The following SLC25A37 variants were observed in gnomAD, a reference collection of about 807,000 sequenced individuals.
SLC25A37 encodes solute carrier family 25 member 37.
Under a neutral mutation model 31.0 loss-of-function variants are expected in SLC25A37, and 17 were observed. The observed-to-expected ratio is 0.55, with a 90% CI of 0.38 to 0.82. The LOEUF (loss-of-function observed/expected upper bound fraction) is 0.82. Ranked by LOEUF, SLC25A37 falls within the 40% of genes least tolerant of loss-of-function variation. The pLI, the probability that SLC25A37 is intolerant of heterozygous loss-of-function variation, is 0.00. For synonymous variants in SLC25A37, 222 were observed against 193.0 expected (o/e 1.15, Z -1.24); for missense variants, 404 against 465.8 (o/e 0.87, Z 1.22).
chr8:23,529,540 A>G lies in SLC25A37; in HGVS notation c.210+328A>G, dbSNP rs1409054173. Among the ~76,000 whole-genome samples, 1 of 152,082 alleles carries G rather than the reference A, an allele frequency of 6.6e-6. No homozygotes were observed. The highest frequency in any genetic ancestry group is 1.5e-5 in the Non-Finnish European group (1 of 67,990). ...GGCGACTGGGCTCCCGGGGGACGCG[A>G]TCGCTGAAGCTCTGCACAGTCTTAC... On this transcript the variant is annotated intron_variant, in intron 1 of 3. Transcript: ENST00000519973. This position sits in a 1 kb window ranked among gnomAD's most constrained non-coding sequence, Gnocchi z 4.1.
intron 3 of SLC25A37, among the ~76,000 whole-genome samples, chr8:23,570,300 A>G (rs1204688550): frequency 6.7e-6 from 1 of 149,118 alleles, no homozygotes; most frequent in African/African-American, 2.5e-5. Flanking sequence ...TTCTCAAGAG[A>G]TGTGATGTCC....
At chr8:23,553,996 G>A (rs962699831) in intron 1 of SLC25A37, among the ~76,000 whole-genome samples, 1 of 152,152 alleles carries the variant, frequency 6.6e-6, no homozygotes, top group Non-Finnish European at 1.5e-5. Context: ...AGCATATTGG[G>A]ACAAAAGGGA....
At chr8:23,536,311 T>C (rs569434250) in intron 1 of SLC25A37, among the ~76,000 whole-genome samples, 142 of 152,290 alleles carry the variant, frequency 9.3e-4, no homozygotes, top group African/African-American at 3.3e-3. Context: ...ACACATGTTC[T>C]GAAAGAACTA....
At chr8:23,552,669 A>G (rs1802259006) in intron 1 of SLC25A37, among the ~76,000 whole-genome samples, 3 of 152,152 alleles carry the variant, frequency 2.0e-5, no homozygotes, top group African/African-American at 7.2e-5. Flanking sequence ...ACCAGAACGT[A>G]CGTTACTTAT....
At chr8:23,546,535 A>ATATATATATATATATAGGTG (rs1563255924) in intron 1 of SLC25A37, among the ~76,000 whole-genome samples, 13 of 16,290 alleles carry the variant, frequency 8.0e-4, no homozygotes, top group African/African-American at 5.3e-3. Flanking sequence ...ATAGGTGTAT[A>ATATATATATATATATAGGTG]TATATATATA....
chr8:23,537,901 T>G (rs1585444222), intron 1 of SLC25A37, among the ~76,000 whole-genome samples: 1 of 152,176 alleles, frequency 6.6e-6, no homozygotes, highest in Non-Finnish European at 1.5e-5. Flanking sequence ...TCAGCACTTC[T>G]GTTTGCCTTG....
At chr8:23,556,596 G>A (rs1802372625) in intron 1 of SLC25A37, among the ~76,000 whole-genome samples, 1 of 151,750 alleles carries the variant, frequency 6.6e-6, no homozygotes, top group Admixed American at 6.6e-5. Context: ...ATATGCATGT[G>A]TATATATATG....
intron 1 of SLC25A37, among the ~76,000 whole-genome samples, chr8:23,543,637 C>A (rs998425126): frequency 3.9e-5 from 6 of 152,150 alleles, no homozygotes; most frequent in Non-Finnish European, 7.3e-5. Flanking sequence ...TGGCTTCATG[C>A]CATTCTCCTT....
At chr8:23,548,393 T>C (rs1390454778) in intron 1 of SLC25A37, among the ~76,000 whole-genome samples, 1 of 151,852 alleles carries the variant, frequency 6.6e-6, no homozygotes, top group African/African-American at 2.4e-5. Context: ...TTGGTCAGGA[T>C]GGTCTCAATC....
At chr8:23,559,355 G>GTGTGTGTGCA (rs1563262736) in intron 1 of SLC25A37, among the ~76,000 whole-genome samples, 2 of 151,486 alleles carry the variant, frequency 1.3e-5, no homozygotes, top group African/African-American at 2.4e-5. Context: ...GTGTGTGTGC[G>GTGTGTGTGCA]TGTGTGTGCG....
rs1041063627 is a variant in SLC25A37, at chr8:23,573,416, T to C, written c.*1561T>C. ...CGAGACGAGCTGCACTGTCTCTGATTTGGAGCCCTCACCGGAGCTTGTCTT... is the reference window on the plus strand; with the variant it reads ...CGAGACGAGCTGCACTGTCTCTGATCTGGAGCCCTCACCGGAGCTTGTCTT... On this transcript the variant is annotated 3_prime_UTR_variant, in exon 4 of 4. Coordinates refer to ENST00000519973, the MANE Select transcript of SLC25A37 (RefSeq NM_016612.4). 2.8e-5 allele frequency: 5 copies of C among 179,070 alleles called. No homozygotes were observed. The South Asian group carries it at 5.6e-4, about 20-fold the overall frequency. 11.1% of individuals were successfully genotyped at this position (179,070 alleles called of 1,614,324 possible). A position where few individuals can be genotyped will look rare whatever the true frequency, so the allele number is the denominator to read the frequency against.
rs117450136 is a variant in SLC25A37 at position 23,537,076 on chromosome 8, G to T, written c.210+7864G>T. 6.7e-3 allele frequency among the ~76,000 whole-genome samples: 1,015 copies of T among 151,810 alleles called. 68 individuals carry two copies. In the East Asian group the frequency reaches 0.14, roughly 21 times the overall value. ...CTTGGTATAGTGGTATGCGCCAGTGGTCTCAGCTTCTTGGGAGGCTGAGGT... is the reference window on the plus strand; with the variant it reads ...CTTGGTATAGTGGTATGCGCCAGTGTTCTCAGCTTCTTGGGAGGCTGAGGT... On this transcript the variant is annotated intron_variant, in intron 1 of 3. Coordinates refer to ENST00000519973, the MANE Select transcript of SLC25A37 (RefSeq NM_016612.4).
At position 23,559,025 on chromosome 8, in the gene SLC25A37, C is replaced by T. The variant is rs528783728; in HGVS notation, c.211-7083C>T. Among the ~76,000 whole-genome samples the T allele has an allele frequency of 4.6e-5, 7 of 152,326 alleles. No homozygotes were observed. In the East Asian group the frequency reaches 1.2e-3, roughly 25 times the overall value. On this transcript the variant is annotated intron_variant, in intron 1 of 3. Coordinates refer to ENST00000519973, the MANE Select transcript of SLC25A37 (RefSeq NM_016612.4). ...CTTGCTGCTTCAAGGGCATAGGTTC[C>T]CATTGGCTACGGCTGTGTTTTCACA...
In SLC25A37 at chr8:23,571,594, G is replaced by T; in HGVS notation, c.756G>T (p.Thr252=). 6.2e-7 allele frequency: 1 copy of T among 1,613,794 alleles called. No individual in the cohort carries two copies. Among genetic ancestry groups the T allele is most frequent in the Non-Finnish European group, 8.5e-7 (1 of 1,179,840 alleles). The change falls in exon 4 of 4, where the codon ACG becomes ACT. Residue 252 remains threonine, a synonymous_variant. Transcript: ENST00000519973. ...GLAGALAAAA[T]TPLDVCKTLL... is the part of the protein sequence containing the mutation. ...CCGGGGCCCTCGCCGCGGCCGCCAC[G>T]ACCCCCCTGGACGTCTGTAAGACCC...
chr8:23,561,817 T>C (rs1334183210), intron 1 of SLC25A37, among the ~76,000 whole-genome samples: 1 of 152,144 alleles, frequency 6.6e-6, no homozygotes, highest in Non-Finnish European at 1.5e-5. Context: ...GCTAGGGTGG[T>C]GTCTATGGAT....
In SLC25A37 at chr8:23,574,187, C is replaced by T. The variant is rs11779370; in HGVS notation, c.*2332C>T. On this transcript the variant is annotated 3_prime_UTR_variant, in exon 4 of 4. Transcript: ENST00000519973. ...ATGCAAGAAGGAGAGGTGAAGGTGGCGTGTGGTGGCTCATGCCTGTAATCC... is the reference window on the plus strand; with the variant it reads ...ATGCAAGAAGGAGAGGTGAAGGTGGTGTGTGGTGGCTCATGCCTGTAATCC... 7 of 254,826 alleles carry T rather than the reference C, an allele frequency of 2.7e-5. No homozygotes were observed. The highest frequency in any genetic ancestry group is 1.6e-4 in the South Asian group (4 of 24,772). 15.8% of individuals were successfully genotyped at this position (254,826 alleles called of 1,614,324 possible).
At chr8:23,554,860 C>T (rs1163174545) in intron 1 of SLC25A37, among the ~76,000 whole-genome samples, 1 of 152,196 alleles carries the variant, frequency 6.6e-6, no homozygotes, top group Non-Finnish European at 1.5e-5. Flanking sequence ...TGCTTTCTCT[C>T]AGATACTGGA....
Position 23,538,396 on chromosome 8 carries a change from A to AAAC in SLC25A37, c.210+9186_210+9187insCAA, listed in dbSNP as rs1262354688. 8.0e-4 allele frequency among the ~76,000 whole-genome samples: 115 copies of AAAC among 143,718 alleles called. 5 individuals are homozygous for AAAC. Among genetic ancestry groups the AAAC allele is most frequent in the African/African-American group, 2.6e-3 (103 of 39,096 alleles). 94.3% of individuals were successfully genotyped at this position (143,718 alleles called of 152,430 possible). A position where few individuals can be genotyped will look rare whatever the true frequency, so the allele number is the denominator to read the frequency against. On this transcript the variant is annotated intron_variant, in intron 1 of 3. Transcript: ENST00000519973. ...ACTTCATCTCAAAAAAAAAAAAAAA[A>AAAC]AAAAAAAAAACCAGAAAAAAAAACT... is the stretch of plus-strand genomic sequence containing the variant.
Position 23,572,224 on chromosome 8 carries a change from AAAAAAAAAAAAAAAAAAAAAAAAAT to A in SLC25A37, c.*370_*394del, listed in dbSNP as rs1294977054. The A allele has an allele frequency of 8.2e-5, 8 of 97,172 alleles. No homozygotes were observed. The highest frequency in any genetic ancestry group is 1.8e-4 in the African/African-American group (6 of 33,980). 6.0% of individuals were successfully genotyped at this position (97,172 alleles called of 1,614,324 possible). On this transcript the variant is annotated 3_prime_UTR_variant, in exon 4 of 4. Transcript: ENST00000519973. The stretch of plus-strand genomic sequence containing the variant: ...ACAGTAAAAAAAAAAAAAAAAAAAA[AAAAAAAAAAAAAAAAAAAAAAAAAT>A]TTATGTATATAAAAGTTGCATTACA...
Sources: allele counts gnomAD v4.1 joint callset (sites outside exome capture counted in the v4.1 genomes callset), GRCh38; gene constraint gnomAD v4.1.1; non-coding constraint Gnocchi (gnomAD v3.1); transcripts MANE v1.5; gene names NCBI Gene and HGNC (gene_info 2026-07-23, HGNC 2026-07-21).